DNAH9: variants seen among roughly 807,000 people sequenced by gnomAD.
DNAH9 encodes dynein axonemal heavy chain 9.
Under a neutral mutation model 471.6 loss-of-function variants are expected in DNAH9, and 345 were observed. The ratio of observed to expected loss-of-function variants is 0.73; its 90% CI spans 0.67 to 0.80. The LOEUF (loss-of-function observed/expected upper bound fraction) is 0.80. DNAH9 is among the 30% of genes least tolerant of loss of function. The pLI, the probability that DNAH9 is intolerant of heterozygous loss-of-function variation, is 0.00. For synonymous variants in DNAH9, 2,093 were observed against 2,123.6 expected, an observed-to-expected ratio of 0.99 and a Z score of 0.40; for missense variants, 5,407 against 5,609.2, an observed-to-expected ratio of 0.96 and a Z score of 1.15.
At chr17:11,760,597 G>A (rs978696919) in intron 35 of DNAH9, among the ~76,000 whole-genome samples, 1 of 151,890 alleles carries the variant, frequency 6.6e-6, no homozygotes, top group African/African-American at 2.4e-5. Context: ...TTGGCTCACT[G>A]CAACCTCTGC....
rs1474394466 is a variant in DNAH9 at position 11,929,965 on chromosome 17, G to A, written c.11977G>A (p.Glu3993Lys). The A allele has an allele frequency of 6.2e-6, 10 of 1,614,048 alleles. No individual in the cohort carries two copies. Among genetic ancestry groups the A allele is most frequent in the Non-Finnish European group, 8.5e-6 (10 of 1,179,984 alleles). The change falls in exon 63 of 69, where the codon GAG (glutamate) becomes AAG (lysine). Residue 3993 changes from glutamate (E) to lysine (K), a missense_variant. By Grantham distance (56) the Glu-to-Lys change is moderately conservative. This residue lies in a region of DNAH9 where 4,636 missense variants were observed against 4,900.3 expected (regional missense o/e 0.95). Coordinates refer to ENST00000262442, the MANE Select transcript of DNAH9 (RefSeq NM_001372.4). ...AGAGTTCAGGGTCTTCATGAGTGCA[G>A]AGCCAGCACCCTCCCCTGAGGGCCA... is the stretch of plus-strand genomic sequence containing the variant. Reference protein sequence around the residue: ...HPEFRVFMSAEPAPSPEGHII... With the variant: ...HPEFRVFMSAKPAPSPEGHII...
chr17:11,716,082 C>CTTT (rs61643065), intron 26 of DNAH9, among the ~76,000 whole-genome samples: 38 of 132,450 alleles, frequency 2.9e-4, no homozygotes, highest in African/African-American at 8.6e-4. Context: ...TTTTCTTTCT[C>CTTT]TTTTTTTTTT....
chr17:11,616,248 G>T (rs949720008), intron 4 of DNAH9, among the ~76,000 whole-genome samples: 1 of 152,162 alleles, frequency 6.6e-6, no homozygotes, highest in Non-Finnish European at 1.5e-5. Context: ...GGCTTTCTGT[G>T]AGATGGTAAA....
chr17:11,766,825 T>G (rs1967960182), intron 36 of DNAH9, among the ~76,000 whole-genome samples: 2 of 152,002 alleles, frequency 1.3e-5, no homozygotes, highest in Admixed American at 6.6e-5. Context: ...TTAGCCGGGC[T>G]TGGGCATGGT....
At chr17:11,711,468 T>C (rs1335167772) in intron 26 of DNAH9, among the ~76,000 whole-genome samples, 6 of 152,188 alleles carry the variant, frequency 3.9e-5, no homozygotes, top group African/African-American at 1.4e-4. Context: ...TCTAAGTTCA[T>C]CAGTCTACCT....
chr17:11,933,952 A>G lies in DNAH9; in HGVS notation c.12370A>G (p.Arg4124Gly), dbSNP rs745805280. ...AGGCCATATCACAGATGACTGGGAC[A>G]GAAGACTCTGCAGAACCTACCTGGG... Reference protein sequence around the residue: ...YGGHITDDWDRRLCRTYLGEF... With the variant: ...YGGHITDDWDGRLCRTYLGEF... The change falls in exon 65 of 69, where the codon AGA becomes GGA. Residue 4124 changes from arginine (R) to glycine (G), a missense_variant. Coordinates refer to ENST00000262442, the MANE Select transcript of DNAH9 (RefSeq NM_001372.4). The G allele has an allele frequency of 9.9e-6, 16 of 1,614,096 alleles. No homozygotes were observed. Among genetic ancestry groups the G allele is most frequent in the Admixed American group, 1.7e-5 (1 of 60,006 alleles).
chr17:11,814,769 T>G (rs892746417), intron 45 of DNAH9, among the ~76,000 whole-genome samples: 1 of 152,156 alleles, frequency 6.6e-6, no homozygotes, highest in African/African-American at 2.4e-5. Flanking sequence ...ATATCCTAGG[T>G]GCTTTAGGAT....
chr17:11,804,463 T>C (rs1027192635), intron 43 of DNAH9, among the ~76,000 whole-genome samples: 5 of 152,158 alleles, frequency 3.3e-5, no homozygotes, highest in African/African-American at 1.2e-4. Context: ...AAGCAGGCAA[T>C]GGGCATGAAC....
chr17:11,769,025 A>G (rs1968087318), intron 37 of DNAH9, 97 bp from the exon 38 acceptor site: 1 of 1,290,992 alleles, frequency 7.7e-7, no homozygotes, highest in Admixed American at 1.7e-5. Context: ...CTCCATCGTG[A>G]CGGAATCCCC....
chr17:11,960,426 ACT>A (rs1360840223), intron 67 of DNAH9, among the ~76,000 whole-genome samples: 1 of 126,288 alleles, frequency 7.9e-6, no homozygotes, highest in Non-Finnish European at 1.6e-5. Flanking sequence ...ACAGAGCAAG[ACT>A]CTGTCTTAAA....
chr17:11,752,848 T>C lies in DNAH9; in HGVS notation c.6626T>C (p.Ile2209Thr). 6.3e-7 allele frequency: 1 copy of C among 1,595,848 alleles called. No individual in the cohort carries two copies. Among genetic ancestry groups the C allele is most frequent in the African/African-American group, 1.3e-5 (1 of 74,218 alleles). Residue 2209 changes from isoleucine to threonine, a missense_variant, in exon 33 of 69, where the codon ATC becomes ACC. Physicochemically the swap from Ile to Thr is moderately conservative, Grantham distance 89. Coordinates refer to ENST00000262442, the MANE Select transcript of DNAH9 (RefSeq NM_001372.4). ...GEWKDGLFSS[I>T]MRELANITHD... ...TTCCTTTTAGGATTGTTCTCTTCCATCATGCGGGAGCTTGCCAACATCACC... is the reference window on the plus strand; with the variant it reads ...TTCCTTTTAGGATTGTTCTCTTCCACCATGCGGGAGCTTGCCAACATCACC...
chr17:11,872,269 T>A (rs1171764388), intron 52 of DNAH9, among the ~76,000 whole-genome samples: 1 of 151,962 alleles, frequency 6.6e-6, no homozygotes, highest in Non-Finnish European at 1.5e-5. Flanking sequence ...CATAATCCCA[T>A]GAACAGCTGC....
At chr17:11,710,707 T>C (rs1956280195) in intron 26 of DNAH9, among the ~76,000 whole-genome samples, 1 of 152,250 alleles carries the variant, frequency 6.6e-6, no homozygotes, top group Non-Finnish European at 1.5e-5. Context: ...AAAATCCATG[T>C]TTATTTTAAG....
intron 31 of DNAH9, among the ~76,000 whole-genome samples, chr17:11,745,809 G>A (rs1486263536): frequency 6.6e-6 from 1 of 152,164 alleles, no homozygotes; most frequent in Admixed American, 6.5e-5. Flanking sequence ...GTGAGAGGAT[G>A]GGAAGATAAA....
At chr17:11,602,862 T>C (rs546846894) in intron 1 of DNAH9, among the ~76,000 whole-genome samples, 3 of 152,266 alleles carry the variant, frequency 2.0e-5, no homozygotes, top group Admixed American at 1.3e-4. Flanking sequence ...ACTCCCATCT[T>C]TCCAGCTCAC....
intron 25 of DNAH9, among the ~76,000 whole-genome samples, chr17:11,704,724 C>T (rs2074669103): frequency 6.6e-6 from 1 of 152,052 alleles, no homozygotes; most frequent in African/African-American, 2.4e-5. Context: ...GCTGGGATTA[C>T]AGGCATGTAC....
At chr17:11,781,742 G>A (rs1968673394) in intron 39 of DNAH9, among the ~76,000 whole-genome samples, 1 of 150,112 alleles carries the variant, frequency 6.7e-6, no homozygotes, top group South Asian at 2.1e-4. Flanking sequence ...TGAGGCAGGA[G>A]AATAGCTTGA....
intron 36 of DNAH9, among the ~76,000 whole-genome samples, chr17:11,764,085 C>A (rs546109932): frequency 4.7e-4 from 71 of 152,252 alleles, no homozygotes; most frequent in South Asian, 2.1e-3. Flanking sequence ...GCGCGAAACT[C>A]AAAGCTGTCC....
intron 45 of DNAH9, among the ~76,000 whole-genome samples, chr17:11,819,440 C>T (rs890623442): frequency 6.0e-5 from 9 of 150,926 alleles, no homozygotes; most frequent in Admixed American, 1.3e-4. Context: ...TTTTTTGAGA[C>T]GAAGTCTTGC....
Sources: allele counts gnomAD v4.1 joint callset (sites outside exome capture counted in the v4.1 genomes callset), GRCh38; gene constraint gnomAD v4.1.1; regional missense constraint gnomAD v4.1.1; transcripts MANE v1.5; gene names NCBI Gene and HGNC (gene_info 2026-07-23, HGNC 2026-07-21).